Variants in ADK observed in about 807,000 individuals in gnomAD.
ADK encodes the protein adenosine kinase, also known as N6,N6-dimethyladenosine kinase.
In ADK, 24 loss-of-function variants were observed where a neutral mutation model predicts 44.7. The ratio of observed to expected loss-of-function variants is 0.54; its 90% CI spans 0.39 to 0.76. The LOEUF is 0.76. ADK is among the 30% of genes least tolerant of loss of function. ADK has a pLI of 0.00. For synonymous variants in ADK, 128 were observed against 142.6 expected (o/e 0.90, Z 0.73); for missense variants, 321 against 425.1 (o/e 0.76, Z 2.15).
chr10:74,337,116 C>G (rs573652222), intron 4 of ADK, among the ~76,000 whole-genome samples: 40 of 152,264 alleles, frequency 2.6e-4, no homozygotes, highest in Admixed American at 2.3e-3. Context: ...AGCAGCAGAA[C>G]CCTGAAGCAA....
At chr10:74,230,469 TA>T (rs1844717199) in intron 3 of ADK, among the ~76,000 whole-genome samples, 1 of 148,386 alleles carries the variant, frequency 6.7e-6, no homozygotes, top group Non-Finnish European at 1.5e-5. Context: ...TCTCTAAGTA[TA>T]TAGTCTTTTT....
At position 74,424,535 on chromosome 10, in the gene ADK, C is replaced by CAAAAAAAAAAAAAAA. The variant is rs57106986; in HGVS notation, c.555+25975_555+25989dup. 1.4e-4 allele frequency among the ~76,000 whole-genome samples: 8 copies of CAAAAAAAAAAAAAAA among 58,460 alleles called. 1 individual carries two copies. Among genetic ancestry groups the CAAAAAAAAAAAAAAA allele is most frequent in the African/African-American group, 4.4e-4 (6 of 13,736 alleles). 38.4% of individuals were successfully genotyped at this position (58,460 alleles called of 152,430 possible). ...GGGCAACAAGAGCAAAACTCCGTCT[C>CAAAAAAAAAAAAAAA]AAAAAAAAAAAAAAAAAAAAAAAAA... On this transcript the variant is annotated intron_variant, in intron 6 of 10. Transcript: ENST00000539909.
intron 6 of ADK, chr10:74,423,733 T>G: frequency 4.5e-6 from 2 of 440,650 alleles, no homozygotes; most frequent in Non-Finnish European, 9.0e-6. Context: ...CTTCACCCAT[T>G]TCTTGGCTGG....
chr10:74,240,455 A>T (rs1845168707), intron 3 of ADK, among the ~76,000 whole-genome samples: 1 of 151,008 alleles, frequency 6.6e-6, no homozygotes, highest in African/African-American at 2.4e-5. Flanking sequence ...TTTTCCCTTT[A>T]AACTGTTACT....
At chr10:74,414,736 G>A (rs1374455850) in intron 6 of ADK, among the ~76,000 whole-genome samples, 2 of 152,062 alleles carry the variant, frequency 1.3e-5, no homozygotes, top group Admixed American at 6.6e-5. Context: ...AAAGAAAAGT[G>A]TGATTACAGA....
At chr10:74,326,694 G>C (rs150300118) in intron 4 of ADK, among the ~76,000 whole-genome samples, 16 of 151,974 alleles carry the variant, frequency 1.1e-4, no homozygotes, top group African/African-American at 3.6e-4. Flanking sequence ...TTCTTTGATG[G>C]GAGACTTTTT....
intron 10 of ADK, among the ~76,000 whole-genome samples, chr10:74,702,567 C>CCTTCCTTCCTTCCTTCCTTCCTTT (rs1219401501): frequency 1.3e-5 from 2 of 149,186 alleles, no homozygotes; most frequent in Non-Finnish European, 3.0e-5. Context: ...TTCCTTCCTT[C>CCTTCCTTCCTTCCTTCCTTCCTTT]CTTCCTCTCT....
chr10:74,323,975 A>C (rs1840915178), intron 4 of ADK, among the ~76,000 whole-genome samples: 1 of 152,020 alleles, frequency 6.6e-6, no homozygotes, highest in Non-Finnish European at 1.5e-5. Flanking sequence ...CCTTGGCCCC[A>C]GACAGTCACT....
chr10:74,188,195 T>C (rs1842825574), intron 1 of ADK, among the ~76,000 whole-genome samples: 1 of 152,200 alleles, frequency 6.6e-6, no homozygotes, highest in Admixed American at 6.5e-5. Flanking sequence ...TTATTGCCTG[T>C]ATGAACTGCT....
At chr10:74,353,752 C>T (rs182627849) in intron 4 of ADK, among the ~76,000 whole-genome samples, 3 of 152,048 alleles carry the variant, frequency 2.0e-5, no homozygotes, top group African/African-American at 7.2e-5. Context: ...TCTGTAGTCC[C>T]AGCTACTTGG....
At chr10:74,511,188 T>G (rs1339007214) in intron 6 of ADK, among the ~76,000 whole-genome samples, 2 of 152,234 alleles carry the variant, frequency 1.3e-5, no homozygotes, top group African/African-American at 4.8e-5. Context: ...GTGGATAAAT[T>G]TCTGGGTTCT....
chr10:74,244,893 G>C (rs531481339), intron 3 of ADK, among the ~76,000 whole-genome samples: 8 of 152,194 alleles, frequency 5.3e-5, no homozygotes, highest in Non-Finnish European at 1.2e-4. Context: ...AAAATGGTTA[G>C]TTAGCTAATG....
intron 6 of ADK, among the ~76,000 whole-genome samples, chr10:74,465,151 G>C (rs913430363): frequency 6.6e-6 from 1 of 152,046 alleles, no homozygotes; most frequent in Non-Finnish European, 1.5e-5. Context: ...TGATCATTAG[G>C]GAAAGTCTCA....
chr10:74,346,668 C>T (rs1002691777), intron 4 of ADK, among the ~76,000 whole-genome samples: 1 of 152,040 alleles, frequency 6.6e-6, no homozygotes, highest in African/African-American at 2.4e-5. Context: ...TTTCCCCTTG[C>T]ACTTACAGGC....
At chr10:74,337,180 G>A (rs1359389793) in intron 4 of ADK, among the ~76,000 whole-genome samples, 1 of 152,204 alleles carries the variant, frequency 6.6e-6, no homozygotes, top group Non-Finnish European at 1.5e-5. Context: ...AAGAATTGAT[G>A]CAAGGAAAGC....
intron 6 of ADK, among the ~76,000 whole-genome samples, chr10:74,422,613 A>C (rs976553618): frequency 7.2e-5 from 11 of 152,232 alleles, no homozygotes; most frequent in Admixed American, 7.2e-4. Context: ...TTTTCTGTAT[A>C]TCTAAGTTCC....
intron 6 of ADK, among the ~76,000 whole-genome samples, chr10:74,417,484 T>C (rs1844413481): frequency 6.6e-6 from 1 of 152,184 alleles, no homozygotes; most frequent in Admixed American, 6.5e-5. Flanking sequence ...TAATATAGTA[T>C]GTAGACACAT....
At chr10:74,223,964 C>CTGT in intron 2 of ADK, among the ~76,000 whole-genome samples, 1 of 152,228 alleles carries the variant, frequency 6.6e-6, no homozygotes, top group African/African-American at 2.4e-5. Flanking sequence ...TGGTGCGTGC[C>CTGT]TGTAATCCCA....
chr10:74,176,039 G>C, intron 1 of ADK, among the ~76,000 whole-genome samples: 1 of 152,102 alleles, frequency 6.6e-6, no homozygotes, highest in Non-Finnish European at 1.5e-5. Flanking sequence ...GTGTCAAATA[G>C]GATAGCCTTG....
Sources: gnomAD v4.1 joint callset for allele counts (sites outside exome capture counted in the v4.1 genomes callset) on GRCh38, gnomAD v4.1.1 for gene constraint, MANE v1.5 for transcripts, NCBI Gene and HGNC (gene_info 2026-07-23, HGNC 2026-07-21) for gene names.